The following FAN1 variants were observed in gnomAD, a reference collection of about 807,000 sequenced individuals.
FAN1 encodes the protein fanconi-associated nuclease 1.
Under a neutral mutation model 104.9 loss-of-function variants are expected in FAN1, and 91 were observed. That is an observed-to-expected ratio of 0.87 (90% CI 0.73 to 1.03). FAN1 has a LOEUF of 1.03. Among genes scored for constraint, FAN1 ranks in the 50% least tolerant of loss-of-function variants. The probability of loss-of-function intolerance (pLI) is 0.00; values close to 1 mark genes in which losing one functional copy is unlikely to be tolerated. For missense variants in FAN1, 1,263 were observed against 1,239.9 expected (o/e 1.02, Z -0.28); for synonymous variants, 478 against 457.6 (o/e 1.04, Z -0.57).
intron 5 of FAN1, 37 bp downstream of exon 5, chr15:30,914,128 G>A (rs368350800): frequency 1.4e-6 from 2 of 1,382,996 alleles, no homozygotes; most frequent in African/African-American, 1.4e-5. Context: ...GTCTATATGT[G>A]TATTTCACAA....
At chr15:30,914,139 T>G in intron 5 of FAN1, 48 bp downstream of exon 5, 1 of 1,336,742 alleles carries the variant, frequency 7.5e-7, no homozygotes, top group African/African-American at 1.5e-5. Flanking sequence ...TATTTCACAA[T>G]TTAGTAAAAG....
chr15:30,921,891 G>A (rs527804032), intron 7 of FAN1, among the ~76,000 whole-genome samples: 1 of 152,296 alleles, frequency 6.6e-6, no homozygotes, highest in East Asian at 1.9e-4. Flanking sequence ...AAGTATGTGG[G>A]TTTGCCAACT....
At chr15:30,908,346 C>A in intron 3 of FAN1, 88 bp downstream of exon 3, 2 of 1,152,446 alleles carry the variant, frequency 1.7e-6, no homozygotes, top group Non-Finnish European at 2.4e-6. Flanking sequence ...TTATGGTGCC[C>A]TCCCCGGGGT....
At chr15:30,915,421 A>G (rs1232215203) in intron 5 of FAN1, among the ~76,000 whole-genome samples, 1 of 152,202 alleles carries the variant, frequency 6.6e-6, no homozygotes, top group Non-Finnish European at 1.5e-5. Flanking sequence ...TTTATTATAT[A>G]TTTTTAAATA....
intron 14 of FAN1, chr15:30,939,403 A>G: frequency 1.0e-6 from 1 of 985,456 alleles, no homozygotes; most frequent in South Asian, 4.7e-5. Context: ...CTGTCACCAC[A>G]TGTCCCTCTG....
In FAN1 at chr15:30,921,230, G is replaced by A. The variant is rs1045700663; in HGVS notation, c.2052+577G>A. 5.3e-5 allele frequency among the ~76,000 whole-genome samples: 8 copies of A among 152,186 alleles called. No individual in the cohort carries two copies. In the South Asian group the frequency reaches 6.2e-4, roughly 12 times the overall value. On this transcript the variant is annotated intron_variant, in intron 7 of 14. Transcript: ENST00000362065. ...AATCTGTGTCCCAGGATGGCCTGGG[G>A]GTGGCGGCCACCATCCTGGAGGGTG...
chr15:30,925,678 T>G (rs1361093933), intron 9 of FAN1, 111 bp from the exon 10 acceptor site: 24 of 1,228,828 alleles, frequency 2.0e-5, no homozygotes, highest in Non-Finnish European at 2.8e-5. Context: ...TGTGCTCTAC[T>G]AAGTGACTGA....
chr15:30,922,368 A>G lies in FAN1; in HGVS notation c.2172+14A>G, dbSNP rs754404208. The G allele has an allele frequency of 5.0e-6, 8 of 1,585,434 alleles. No individual in the cohort carries two copies. Among genetic ancestry groups the G allele is most frequent in the African/African-American group, 1.4e-5 (1 of 72,838 alleles). On this transcript the variant is annotated intron_variant, in intron 8 of 14. Coordinates refer to ENST00000362065, the MANE Select transcript of FAN1 (RefSeq NM_014967.5). ...CGCCTGGAACCGGTACTCAGTAACA[A>G]AACATATCTGAAACACCTTTTCATT...
chr15:30,909,681 C>T (rs1288042912), intron 3 of FAN1, among the ~76,000 whole-genome samples: 1 of 152,230 alleles, frequency 6.6e-6, no homozygotes, highest in Non-Finnish European at 1.5e-5. Context: ...CGCTTTCTGC[C>T]ACGGCCACCC....
chr15:30,940,343 C>T, intron 14 of FAN1: 1 of 985,350 alleles, frequency 1.0e-6, no homozygotes, highest in Non-Finnish European at 1.2e-6. Context: ...ACTTTGCTGT[C>T]CAAAGTTGGG....
chr15:30,929,703 TATATC>T (rs1336488556), intron 12 of FAN1, among the ~76,000 whole-genome samples: 1 of 102,600 alleles, frequency 9.7e-6, no homozygotes, highest in East Asian at 2.3e-4. Context: ...AAATATATAT[TATATC>T]ATATATAATA....
chr15:30,909,163 A>C (rs1348619379), intron 3 of FAN1, among the ~76,000 whole-genome samples: 1 of 152,208 alleles, frequency 6.6e-6, no homozygotes. Context: ...GTATTAGGAA[A>C]GGGAAATGTG....
intron 14 of FAN1, chr15:30,940,790 C>CAA: frequency 1.0e-6 from 1 of 986,674 alleles, no homozygotes; most frequent in Non-Finnish European, 1.2e-6. Flanking sequence ...ATTATATTTT[C>CAA]TTCTGTAATA....
intron 6 of FAN1, 116 bp downstream of exon 6, chr15:30,918,411 TGTGGA>T: frequency 9.4e-7 from 1 of 1,064,352 alleles, no homozygotes; most frequent in Non-Finnish European, 1.4e-6. Flanking sequence ...TTAAACCAGC[TGTGGA>T]ATTGAATTTT....
At chr15:30,906,892 G>A (rs376203071) in intron 2 of FAN1, among the ~76,000 whole-genome samples, 1 of 152,110 alleles carries the variant, frequency 6.6e-6, no homozygotes, top group Non-Finnish European at 1.5e-5. Flanking sequence ...CTTTGGTTGG[G>A]TGCTGATTGC....
At chr15:30,926,795 C>T (rs1483271664) in intron 10 of FAN1, 2 of 985,260 alleles carry the variant, frequency 2.0e-6, no homozygotes, top group Admixed American at 6.2e-5. Context: ...TTCAGTTGAG[C>T]CATGAGCCTG....
intron 2 of FAN1, among the ~76,000 whole-genome samples, chr15:30,906,676 A>G (rs1195051395): frequency 6.6e-6 from 1 of 152,210 alleles, no homozygotes; most frequent in Non-Finnish European, 1.5e-5. Context: ...AATCCTGAAC[A>G]TTACTATTGA....
chr15:30,913,783 T>C lies in FAN1; in HGVS notation c.1578-75T>C, dbSNP rs547487034. 65 of 962,850 alleles carry C rather than the reference T, an allele frequency of 6.8e-5. No individual in the cohort carries two copies. In the South Asian group the frequency reaches 8.1e-4, roughly 12 times the overall value. The allele number at this position is 962,850 out of a possible 1,614,324, so 59.6% of individuals were successfully genotyped here. On this transcript the variant is annotated intron_variant, in intron 4 of 14. Coordinates refer to ENST00000362065, the MANE Select transcript of FAN1 (RefSeq NM_014967.5). ...GAATGTCATTTCTCTTTATTTTAGA[T>C]GAAAATAATTTGTAAAATCTGACAT...
intron 9 of FAN1, among the ~76,000 whole-genome samples, chr15:30,925,527 G>A (rs1315535237): frequency 2.6e-5 from 4 of 152,194 alleles, no homozygotes; most frequent in Non-Finnish European, 5.9e-5. Flanking sequence ...CAGATCTCCT[G>A]AATGGGGCCT....
Sources: gnomAD v4.1 joint callset for allele counts (sites outside exome capture counted in the v4.1 genomes callset) on GRCh38, gnomAD v4.1.1 for gene constraint, MANE v1.5 for transcripts, NCBI Gene and HGNC (gene_info 2026-07-23, HGNC 2026-07-21) for gene names.